MOB3B: variants seen among roughly 807,000 people sequenced by gnomAD.
MOB3B encodes the protein MOB kinase activator 3B.
A neutral mutation model predicts 18.7 loss-of-function variants in MOB3B; 7 were observed. The ratio of observed to expected loss-of-function variants is 0.37; its 90% CI spans 0.21 to 0.70. The LOEUF is 0.70. MOB3B is among the 30% of genes least tolerant of loss of function. The pLI, the probability that MOB3B is intolerant of heterozygous loss-of-function variation, is 0.52. For missense variants in MOB3B, 253 were observed against 281.3 expected (o/e 0.90, Z 0.72); for synonymous variants, 111 against 99.9 (o/e 1.11, Z -0.66).
At chr9:27,390,601 C>T (rs1821714340) in intron 2 of MOB3B, among the ~76,000 whole-genome samples, 1 of 152,220 alleles carries the variant, frequency 6.6e-6, no homozygotes, top group Non-Finnish European at 1.5e-5. Flanking sequence ...GCCAGGCTGT[C>T]TGATCACAGA....
intron 2 of MOB3B, among the ~76,000 whole-genome samples, chr9:27,453,523 C>A (rs1266992758): frequency 6.6e-6 from 1 of 152,132 alleles, no homozygotes; most frequent in African/African-American, 2.4e-5. Context: ...CCAAGCAAAG[C>A]CCAAAACCAC....
chr9:27,402,676 C>G (rs1026468279), intron 2 of MOB3B, among the ~76,000 whole-genome samples: 1 of 152,148 alleles, frequency 6.6e-6, no homozygotes, highest in Non-Finnish European at 1.5e-5. Context: ...CACAAAACAC[C>G]AAATGGGGAC....
chr9:27,377,772 C>T (rs1440633437), intron 2 of MOB3B, among the ~76,000 whole-genome samples: 1 of 152,260 alleles, frequency 6.6e-6, no homozygotes, highest in East Asian at 1.9e-4. Context: ...AAGACTTTCA[C>T]ATTTCCTCTG....
At chr9:27,364,783 T>A (rs1451990806) in intron 2 of MOB3B, among the ~76,000 whole-genome samples, 1 of 151,356 alleles carries the variant, frequency 6.6e-6, no homozygotes, top group Non-Finnish European at 1.5e-5. Context: ...CTATTGTGAA[T>A]TGTTAGTTTT....
chr9:27,340,445 C>G (rs1434597081), intron 3 of MOB3B, among the ~76,000 whole-genome samples: 1 of 152,222 alleles, frequency 6.6e-6, no homozygotes, highest in Non-Finnish European at 1.5e-5. Context: ...GAAGTTCTCT[C>G]ATTTAACCAC....
intron 1 of MOB3B, chr9:27,525,093 C>G: frequency 1.4e-6 from 1 of 715,776 alleles, no homozygotes. Context: ...CTCGGAACAT[C>G]AGGGACACTC....
At chr9:27,368,065 G>GCC (rs2131364075) in intron 2 of MOB3B, among the ~76,000 whole-genome samples, 1 of 152,148 alleles carries the variant, frequency 6.6e-6, no homozygotes, top group East Asian at 1.9e-4. Flanking sequence ...AATAGTTCAT[G>GCC]AATAAAAACA....
chr9:27,474,261 A>T (rs1420012992), intron 1 of MOB3B, among the ~76,000 whole-genome samples: 1 of 152,236 alleles, frequency 6.6e-6, no homozygotes, highest in African/African-American at 2.4e-5. Context: ...TAGTAAACAC[A>T]AATGGGTCCT....
chr9:27,444,275 G>A (rs1384278673), intron 2 of MOB3B, among the ~76,000 whole-genome samples: 3 of 136,582 alleles, frequency 2.2e-5, no homozygotes, highest in African/African-American at 8.3e-5. Flanking sequence ...AAGGAGGGAG[G>A]GAGGGAGGGA....
intron 2 of MOB3B, among the ~76,000 whole-genome samples, chr9:27,396,124 C>T (rs933636425): frequency 6.6e-6 from 1 of 152,032 alleles, no homozygotes; most frequent in Non-Finnish European, 1.5e-5. Context: ...TTTCAGGTTC[C>T]TTTCCTGATA....
intron 2 of MOB3B, among the ~76,000 whole-genome samples, chr9:27,360,499 C>A (rs758676877): frequency 6.6e-6 from 1 of 152,126 alleles, no homozygotes; most frequent in Non-Finnish European, 1.5e-5. Flanking sequence ...AGTGAGACTC[C>A]GTCTCAAACA....
chr9:27,484,043 G>A lies in MOB3B; in HGVS notation c.-198-28295C>T, dbSNP rs764183547. Among the ~76,000 whole-genome samples the A allele has an allele frequency of 3.0e-4, 45 of 152,246 alleles. 2 individuals are homozygous for A. Among genetic ancestry groups the A allele is most frequent in the Admixed American group, 6.5e-5 (1 of 15,290 alleles). On this transcript the variant is annotated intron_variant, in intron 1 of 3. Transcript: ENST00000262244. The stretch of plus-strand genomic sequence containing the variant: ...GCCCATAACGAGCTTATGATGCCAA[G>A]CATTGGGGTTCAGGCCAAGTTCTTC...
At chr9:27,442,480 A>G (rs1822608745) in intron 2 of MOB3B, among the ~76,000 whole-genome samples, 2 of 152,170 alleles carry the variant, frequency 1.3e-5, no homozygotes, top group Admixed American at 1.3e-4. Flanking sequence ...CCTCAGCAAA[A>G]CGTGTTTCCC....
chr9:27,411,576 T>G (rs986408340), intron 2 of MOB3B, among the ~76,000 whole-genome samples: 11 of 152,186 alleles, frequency 7.2e-5, no homozygotes, highest in African/African-American at 2.7e-4. Context: ...CCTGAAAATT[T>G]GAGGCACTAC....
intron 2 of MOB3B, among the ~76,000 whole-genome samples, chr9:27,382,490 C>A (rs1821592214): frequency 6.6e-6 from 1 of 152,120 alleles, no homozygotes; most frequent in Non-Finnish European, 1.5e-5. Flanking sequence ...TCTCCAACCC[C>A]CTTCACCCCC....
intron 1 of MOB3B, among the ~76,000 whole-genome samples, chr9:27,487,714 G>C (rs1308216501): frequency 8.5e-5 from 13 of 152,092 alleles, no homozygotes; most frequent in African/African-American, 3.1e-4. Flanking sequence ...GCAAGAGTTC[G>C]AAGATTTTTC....
At chr9:27,460,398 T>C (rs1819267787) in intron 1 of MOB3B, among the ~76,000 whole-genome samples, 1 of 152,218 alleles carries the variant, frequency 6.6e-6, no homozygotes, top group Non-Finnish European at 1.5e-5. Flanking sequence ...TCGGCTGGGC[T>C]GCAAGGGAAT....
intron 3 of MOB3B, among the ~76,000 whole-genome samples, chr9:27,332,205 T>C (rs1820799281): frequency 6.6e-6 from 1 of 152,124 alleles, no homozygotes; most frequent in South Asian, 2.1e-4. Flanking sequence ...GTTGCCCTGG[T>C]TGGTCTCAGA....
At chr9:27,498,663 G>A (rs1251633667) in intron 1 of MOB3B, among the ~76,000 whole-genome samples, 1 of 152,184 alleles carries the variant, frequency 6.6e-6, no homozygotes, top group Non-Finnish European at 1.5e-5. Context: ...GGTCAACAGA[G>A]AAAACCCTGA....
Sources: allele counts gnomAD v4.1 joint callset (sites outside exome capture counted in the v4.1 genomes callset), GRCh38; gene constraint gnomAD v4.1.1; transcripts MANE v1.5; gene names NCBI Gene and HGNC (gene_info 2026-07-23, HGNC 2026-07-21).